The following RARB variants were observed in gnomAD, a reference collection of about 807,000 sequenced individuals.
RARB encodes the protein retinoic acid receptor beta, also known as HBV-activated protein.
RARB carries 17 observed loss-of-function variants against 51.9 expected under a neutral mutation model. The ratio of observed to expected loss-of-function variants is 0.33; its 90% CI spans 0.22 to 0.49. RARB has a LOEUF of 0.49. RARB is among the 20% of genes least tolerant of loss of function. RARB has a pLI of 0.99. For synonymous variants in RARB, 215 were observed against 195.4 expected (o/e 1.10, Z -0.84); for missense variants, 369 against 550.8 (o/e 0.67, Z 3.30).
chr3:25,293,972 T>C lies in RARB; in HGVS notation c.178+119397T>C, dbSNP rs79407860. ...CTTCTCATTTGTTCTAAGGGCTTTG[T>C]TACTTTGAATAAGCCTTCTTAGCTT... On this transcript the variant is annotated intron_variant, in intron 5 of 11. Transcript: ENST00000383772. 1.2e-3 allele frequency among the ~76,000 whole-genome samples: 180 copies of C among 152,318 alleles called. 1 individual carries two copies. Among genetic ancestry groups the C allele is most frequent in the African/African-American group, 4.0e-3 (167 of 41,574 alleles).
intron 2 of RARB, among the ~76,000 whole-genome samples, chr3:24,982,639 C>G (rs898445564): frequency 6.6e-6 from 1 of 152,170 alleles, no homozygotes; most frequent in African/African-American, 2.4e-5. Context: ...AACATAAGCT[C>G]CCCTCCTCCC....
At chr3:24,884,254 G>A (rs1437956131) in intron 2 of RARB, among the ~76,000 whole-genome samples, 6 of 152,122 alleles carry the variant, frequency 3.9e-5, no homozygotes, top group African/African-American at 1.2e-4. Flanking sequence ...AAATGAAAAT[G>A]TCTGTGAAAC....
intron 2 of RARB, among the ~76,000 whole-genome samples, chr3:25,048,747 GC>G (rs542748375): frequency 5.4e-5 from 7 of 129,424 alleles, no homozygotes; most frequent in African/African-American, 2.0e-4. Flanking sequence ...AAGAAATTAA[GC>G]CCACTTTTTT....
intron 2 of RARB, chr3:25,020,338 T>C (rs1697607164): frequency 2.6e-5 from 4 of 151,896 alleles, no homozygotes; most frequent in Admixed American, 1.3e-4. Flanking sequence ...ACCATACTGA[T>C]ACCAAACTTA....
chr3:25,248,150 T>A (rs912975325), intron 5 of RARB, among the ~76,000 whole-genome samples: 3 of 152,232 alleles, frequency 2.0e-5, no homozygotes, highest in Admixed American at 6.5e-5. Flanking sequence ...CTCTTTGAAC[T>A]GTTTTTGATT....
At chr3:25,334,969 G>C (rs1705021839) in intron 5 of RARB, among the ~76,000 whole-genome samples, 1 of 152,140 alleles carries the variant, frequency 6.6e-6, no homozygotes, top group Non-Finnish European at 1.5e-5. Context: ...GAAACAATTT[G>C]ACTTTCTGTT....
chr3:25,487,525 G>T (rs191914243), intron 2 of RARB, among the ~76,000 whole-genome samples: 2 of 151,194 alleles, frequency 1.3e-5, no homozygotes, highest in Admixed American at 6.6e-5. Context: ...GGAATGGTCG[G>T]CATGATACTC....
At chr3:25,573,723 C>T (rs942844128) in intron 4 of RARB, among the ~76,000 whole-genome samples, 3 of 152,174 alleles carry the variant, frequency 2.0e-5, no homozygotes. Flanking sequence ...GTTGCTTCCA[C>T]GGCAGGAAAC....
intron 1 of RARB, among the ~76,000 whole-genome samples, chr3:25,450,883 G>T (rs748004921): frequency 1.3e-5 from 2 of 152,148 alleles, no homozygotes; most frequent in Non-Finnish European, 2.9e-5. Flanking sequence ...TCAGGAGTTC[G>T]AGACGAGCCT....
chr3:24,899,990 T>C (rs2125370727), intron 2 of RARB, among the ~76,000 whole-genome samples: 1 of 152,294 alleles, frequency 6.6e-6, no homozygotes, highest in East Asian at 1.9e-4. Flanking sequence ...ATTTTTACGA[T>C]ATAAGCATTT....
chr3:24,846,081 G>A (rs1559369907), intron 1 of RARB, among the ~76,000 whole-genome samples: 1 of 152,180 alleles, frequency 6.6e-6, no homozygotes, highest in South Asian at 2.1e-4. Context: ...GCAACACTCT[G>A]TTATTACATT....
chr3:25,479,204 G>C (rs578118456), intron 2 of RARB, among the ~76,000 whole-genome samples: 1 of 152,160 alleles, frequency 6.6e-6, no homozygotes, highest in African/African-American at 2.4e-5. Flanking sequence ...GAAGTACAGT[G>C]TGTCAAGGGA....
intron 2 of RARB, among the ~76,000 whole-genome samples, chr3:24,996,309 A>AT (rs993481108): frequency 4.0e-5 from 6 of 151,848 alleles, no homozygotes; most frequent in African/African-American, 1.2e-4. Context: ...TGATGTGTCC[A>AT]TTTTTTAATT....
intron 3 of RARB, among the ~76,000 whole-genome samples, chr3:25,565,369 C>T (rs1464139318): frequency 6.6e-6 from 1 of 152,158 alleles, no homozygotes; most frequent in Non-Finnish European, 1.5e-5. Context: ...GTAATGAACA[C>T]TTTCAGTATT....
At chr3:25,500,687 C>G (rs1697269400) in intron 2 of RARB, among the ~76,000 whole-genome samples, 2 of 151,944 alleles carry the variant, frequency 1.3e-5, no homozygotes, top group Non-Finnish European at 2.9e-5. Context: ...CCATGTTAGC[C>G]AGGCTGGTCT....
chr3:25,569,701 CAG>C, intron 3 of RARB, 55 bp from the exon 4 acceptor site: 1 of 1,561,894 alleles, frequency 6.4e-7, no homozygotes, highest in Non-Finnish European at 8.7e-7. Context: ...CCTCCCAGCT[CAG>C]GAGCACAGGC....
intron 5 of RARB, among the ~76,000 whole-genome samples, chr3:25,591,429 A>G (rs1559482873): frequency 6.6e-6 from 1 of 152,216 alleles, no homozygotes; most frequent in South Asian, 2.1e-4. Context: ...ACTGGGCTAA[A>G]GATTATCTAA....
At chr3:24,945,093 CAT>C (rs1351905695) in intron 2 of RARB, among the ~76,000 whole-genome samples, 20 of 152,266 alleles carry the variant, frequency 1.3e-4, no homozygotes, top group African/African-American at 3.6e-4. Context: ...ATAAAACTAA[CAT>C]TATCTATTAT....
chr3:25,504,836 C>T (rs948493583), intron 3 of RARB, among the ~76,000 whole-genome samples: 1 of 146,850 alleles, frequency 6.8e-6, no homozygotes, highest in African/African-American at 2.6e-5. Flanking sequence ...CAGCTCCCTG[C>T]AACCTCCACC....
Sources: allele counts gnomAD v4.1 joint callset (sites outside exome capture counted in the v4.1 genomes callset), GRCh38; gene constraint gnomAD v4.1.1; transcripts MANE v1.5; gene names NCBI Gene and HGNC (gene_info 2026-07-23, HGNC 2026-07-21).